ZNF680: variants seen among roughly 807,000 people sequenced by gnomAD.
ZNF680 encodes the protein hypothetical protein FLJ90430.
Under a neutral mutation model 12.1 loss-of-function variants are expected in ZNF680, and 6 were observed. The observed-to-expected ratio is 0.49, with a 90% confidence interval of 0.27 to 0.98. ZNF680 has a LOEUF of 0.98. Ranked by LOEUF, ZNF680 falls within the 50% of genes least tolerant of loss-of-function variation. ZNF680 has a pLI of 0.12. For missense variants in ZNF680, 561 were observed against 616.3 expected, an observed-to-expected ratio of 0.91 and a Z score of 0.95; for synonymous variants, 170 against 199.3, an observed-to-expected ratio of 0.85 and a Z score of 1.24.
the ZNF680 span, among the ~76,000 whole-genome samples, chr7:64,514,033 C>G: frequency 6.6e-6 from 1 of 152,050 alleles, no homozygotes; most frequent in African/African-American, 2.4e-5. Flanking sequence ...AAATAACTTA[C>G]GGTAATTTAA....
At chr7:64,552,426 A>G (rs1357930105) in intron 1 of ZNF680, among the ~76,000 whole-genome samples, 1 of 152,216 alleles carries the variant, frequency 6.6e-6, no homozygotes, top group Admixed American at 6.5e-5. Flanking sequence ...AGCTTGCAAC[A>G]CAGCTAAGAG....
intron 3 of ZNF680, among the ~76,000 whole-genome samples, chr7:64,532,818 A>G (rs1338866241): frequency 2.0e-5 from 3 of 152,246 alleles, no homozygotes; most frequent in Non-Finnish European, 4.4e-5. Flanking sequence ...TCAAAAAGAT[A>G]ATCCATCATG....
the ZNF680 span, among the ~76,000 whole-genome samples, chr7:64,505,113 A>T: frequency 6.6e-6 from 1 of 152,208 alleles, no homozygotes; most frequent in Non-Finnish European, 1.5e-5. Flanking sequence ...CAAGAACATA[A>T]TGATCGAGCA....
the ZNF680 span, among the ~76,000 whole-genome samples, chr7:64,513,343 T>TAA: frequency 3.5e-4 from 51 of 147,588 alleles, no homozygotes; most frequent in African/African-American, 1.1e-3. Context: ...AAGCAAATTG[T>TAA]AAAAAAAAAA....
At chr7:64,501,256 C>T in the ZNF680 span, 9 of 912,406 alleles carry the variant, frequency 9.9e-6, no homozygotes, top group Admixed American at 1.2e-4. Context: ...TTTTCCTCCT[C>T]CTCCTCCTAT....
chr7:64,502,006 T>C, the ZNF680 span, among the ~76,000 whole-genome samples: 1 of 106,384 alleles, frequency 9.4e-6, no homozygotes, highest in Non-Finnish European at 1.9e-5. Flanking sequence ...TCTTTTTTTT[T>C]TTTTTTTTTT....
intron 1 of ZNF680, among the ~76,000 whole-genome samples, chr7:64,554,516 G>C (rs929910559): frequency 2.9e-4 from 44 of 152,346 alleles, no homozygotes; most frequent in Non-Finnish European, 5.6e-4. Context: ...TTGAGAACGG[G>C]CCATGATGAC....
rs370095061 is a variant in ZNF680, at chr7:64,522,446, G to T, written c.308C>A (p.Ser103Tyr). Residue 103 changes from serine to tyrosine, a missense_variant, in exon 4 of 4, where the codon TCT (serine) becomes TAT (tyrosine). Physicochemically the swap from Ser to Tyr is moderately radical, Grantham distance 144. Transcript: ENST00000309683. ...TCCTCTCAGTATCACTTTTTGAAAA[G>T]AATCTTTTATGCTATGCTCTGGCCA... ...DLWPEHSIKD[S>Y]FQKVILRGYG... is the part of the protein sequence containing the mutation. 3 of 1,596,940 alleles carry T rather than the reference G, an allele frequency of 1.9e-6. No individual in the cohort carries two copies. The African/African-American group carries it at 4.0e-5, about 22-fold the overall frequency.
Position 64,544,440 on chromosome 7 carries a change from A to G in ZNF680, c.31-8T>C. On this transcript the variant is annotated splice_region_variant and splice_polypyrimidine_tract_variant and intron_variant, in intron 1 of 3. Coordinates refer to ENST00000309683, the MANE Select transcript of ZNF680 (RefSeq NM_178558.5). ...CCTAAATGTCAGTGGTCCCTGAAAA[A>G]CACACACACACACACACACACACAC... 4 of 91,488 alleles carry G rather than the reference A, an allele frequency of 4.4e-5. No homozygotes were observed. Among genetic ancestry groups the G allele is most frequent in the Non-Finnish European group, 6.0e-5 (4 of 67,100 alleles). 5.7% of individuals were successfully genotyped at this position (91,488 alleles called of 1,614,324 possible).
intron 3 of ZNF680, among the ~76,000 whole-genome samples, chr7:64,533,362 T>C (rs944904486): frequency 6.6e-6 from 1 of 152,290 alleles, no homozygotes. Context: ...AGCTCTTCTA[T>C]ACACCAACAG....
chr7:64,562,098 G>A (rs1787777260), intron 1 of ZNF680, among the ~76,000 whole-genome samples: 1 of 151,584 alleles, frequency 6.6e-6, no homozygotes, highest in African/African-American at 2.4e-5. Context: ...CGGGCATGGT[G>A]GCGGGCGCCT....
At chr7:64,519,424 G>GGA (rs765100261), downstream of ZNF680, among the ~76,000 whole-genome samples, 9 of 151,760 alleles carry the variant, frequency 5.9e-5, no homozygotes, top group Non-Finnish European at 1.2e-4. Flanking sequence ...AAAATAGTGT[G>GGA]GAGATTTTTT....
In ZNF680 at chr7:64,536,101, C is replaced by T. The variant is rs183337532; in HGVS notation, c.253+7606G>A. 1.1e-3 allele frequency among the ~76,000 whole-genome samples: 172 copies of T among 151,886 alleles called. 1 individual carries two copies. The highest frequency in any genetic ancestry group is 6.8e-3 in the Middle Eastern group (2 of 292). On this transcript the variant is annotated intron_variant, in intron 3 of 3. Coordinates refer to ENST00000309683, the MANE Select transcript of ZNF680 (RefSeq NM_178558.5). ...ATGTGTATTAATAACATCAGGTCTC[C>T]AAAATATATAAAGCAAATATTGACA...
At position 64,520,148 on chromosome 7, in the gene ZNF680, G is replaced by A. The variant is rs1028858355; in HGVS notation, c.*1013C>T. ...TTCATCATAAACCTTACATTTTAATGCCCATACTCTTCCACAGAAAAAACC... is the reference window on the plus strand; with the variant it reads ...TTCATCATAAACCTTACATTTTAATACCCATACTCTTCCACAGAAAAAACC... On this transcript the variant is annotated 3_prime_UTR_variant, in exon 4 of 4. Coordinates refer to ENST00000309683, the MANE Select transcript of ZNF680 (RefSeq NM_178558.5). 1 of 151,520 alleles carries A rather than the reference G, an allele frequency of 6.6e-6. No individual in the cohort carries two copies. 9.4% of individuals were successfully genotyped at this position (151,520 alleles called of 1,614,324 possible).
At chr7:64,525,126 A>G (rs1791768582) in intron 3 of ZNF680, 1 of 151,844 alleles carries the variant, frequency 6.6e-6, no homozygotes, top group African/African-American at 2.4e-5. Context: ...AAGGCATTAC[A>G]GTTTCTGATT....
At chr7:64,558,721 A>T (rs922721301) in intron 1 of ZNF680, among the ~76,000 whole-genome samples, 114 of 152,238 alleles carry the variant, frequency 7.5e-4, no homozygotes, top group Non-Finnish European at 1.2e-3. Context: ...TTGAATTCCA[A>T]AGGAGGAAGC....
chr7:64,543,234 A>G (rs1786600351), intron 3 of ZNF680, among the ~76,000 whole-genome samples: 1 of 152,190 alleles, frequency 6.6e-6, no homozygotes, highest in South Asian at 2.1e-4. Context: ...TATACTTTAT[A>G]ATTTCGAACT....
chr7:64,550,472 C>G (rs1476658130), intron 1 of ZNF680, among the ~76,000 whole-genome samples: 3 of 152,150 alleles, frequency 2.0e-5, no homozygotes, highest in African/African-American at 7.2e-5. Flanking sequence ...GAATCTGGAG[C>G]TGCAGATTTA....
chr7:64,539,130 CAAAA>C (rs529165573), intron 3 of ZNF680, among the ~76,000 whole-genome samples: 23,601 of 78,210 alleles, frequency 0.3, 2,000 homozygotes, highest in South Asian at 0.39. Flanking sequence ...GACTCCATCT[CAAAA>C]AAAAAAAAAA....
Sources: gnomAD v4.1 joint callset for allele counts (sites outside exome capture counted in the v4.1 genomes callset) on GRCh38, gnomAD v4.1.1 for gene constraint, MANE v1.5 for transcripts, NCBI Gene and HGNC (gene_info 2026-07-23, HGNC 2026-07-21) for gene names.